NETO2: variants seen among roughly 807,000 people sequenced by gnomAD.
The protein encoded by NETO2 is neuropilin and tolloid like 2.
Under a neutral mutation model 62.5 loss-of-function variants are expected in NETO2, and 28 were observed. The ratio of observed to expected loss-of-function variants is 0.45; its 90% CI spans 0.33 to 0.61. The LOEUF (loss-of-function observed/expected upper bound fraction) is 0.61, where lower values mean the gene tolerates loss of function less well. Among genes scored for constraint, NETO2 ranks in the 20% least tolerant of loss-of-function variants. The probability of loss-of-function intolerance (pLI) is 0.02; values close to 1 mark genes in which losing one functional copy is unlikely to be tolerated. For missense variants in NETO2, 548 were observed against 643.2 expected (o/e 0.85, Z 1.60); for synonymous variants, 214 against 219.1 (o/e 0.98, Z 0.21).
intron 4 of NETO2, among the ~76,000 whole-genome samples, chr16:47,124,968 T>A (rs1964126011): frequency 6.6e-6 from 1 of 152,222 alleles, no homozygotes; most frequent in East Asian, 1.9e-4. Context: ...GCTCTCATGA[T>A]CTATAACATG....
intron 7 of NETO2, among the ~76,000 whole-genome samples, chr16:47,099,296 G>T (rs1026195793): frequency 2.0e-5 from 3 of 152,136 alleles, no homozygotes; most frequent in Non-Finnish European, 4.4e-5. Flanking sequence ...TGCCTTACAA[G>T]AGCTCCTGAA....
rs566424353 is a variant in NETO2, at chr16:47,143,890, G to A, written c.-278C>T. ...CGAGGGCCGAGGAGTGCGGACGCGC[G>A]GCGCGGGACCGGCAGGCAGCTCCGC... On this transcript the variant is annotated 5_prime_UTR_variant, in exon 1 of 9. Coordinates refer to ENST00000562435, the MANE Select transcript of NETO2 (RefSeq NM_018092.5). 273 of 230,424 alleles carry A rather than the reference G, an allele frequency of 1.2e-3. No individual in the cohort carries two copies. In the East Asian group the frequency reaches 0.023, roughly 20 times the overall value. The allele number at this position is 230,424 out of a possible 1,614,324, so 14.3% of individuals were successfully genotyped here.
chr16:47,135,900 T>G (rs1479421411), intron 1 of NETO2, among the ~76,000 whole-genome samples: 3 of 152,124 alleles, frequency 2.0e-5, no homozygotes, highest in Admixed American at 2.0e-4. Context: ...AGAGAATTAT[T>G]TGAAAAATTA....
chr16:47,131,388 T>G (rs766214397), intron 2 of NETO2, among the ~76,000 whole-genome samples: 18 of 152,232 alleles, frequency 1.2e-4, no homozygotes, highest in Non-Finnish European at 2.2e-4. Context: ...ATTATTTCCA[T>G]GGAGCAGGAA....
intron 2 of NETO2, among the ~76,000 whole-genome samples, chr16:47,129,644 C>T (rs536552443): frequency 1.3e-5 from 2 of 152,270 alleles, no homozygotes; most frequent in East Asian, 3.9e-4. Context: ...TCTGCTAAGT[C>T]AGTAAGATGC....
intron 2 of NETO2, 25 bp from the exon 3 acceptor site, chr16:47,129,389 C>T (rs750053840): frequency 6.2e-7 from 1 of 1,609,954 alleles, no homozygotes. Context: ...GCATTTAAAA[C>T]ACTCATTACA....
chr16:47,123,012 G>T, intron 4 of NETO2, 100 bp from the exon 5 acceptor site: 1 of 1,161,844 alleles, frequency 8.6e-7, no homozygotes, highest in Non-Finnish European at 1.2e-6. Context: ...AGCAAGGTAA[G>T]AGAAGCTTTC....
At chr16:47,094,895 G>A (rs897620517) in intron 7 of NETO2, among the ~76,000 whole-genome samples, 5 of 152,058 alleles carry the variant, frequency 3.3e-5, no homozygotes, top group African/African-American at 9.7e-5. Flanking sequence ...TAGTAGAGAT[G>A]GGGTTTCACC....
At chr16:47,088,231 G>A (rs1359487012) in intron 7 of NETO2, among the ~76,000 whole-genome samples, 2 of 151,892 alleles carry the variant, frequency 1.3e-5, no homozygotes, top group Non-Finnish European at 2.9e-5. Flanking sequence ...CAGCCTCCCC[G>A]AGTAGCTGGG....
At chr16:47,117,385 C>T (rs1252917276) in intron 6 of NETO2, among the ~76,000 whole-genome samples, 1 of 152,204 alleles carries the variant, frequency 6.6e-6, no homozygotes, top group Non-Finnish European at 1.5e-5. Flanking sequence ...CACTGAGCTC[C>T]TTAAATCTGC....
chr16:47,113,231 A>G (rs1963839258), intron 6 of NETO2, among the ~76,000 whole-genome samples: 1 of 152,244 alleles, frequency 6.6e-6, no homozygotes, highest in African/African-American at 2.4e-5. Flanking sequence ...AATTCTAACG[A>G]GACAATTTAT....
intron 7 of NETO2, among the ~76,000 whole-genome samples, chr16:47,091,082 G>A (rs1963302206): frequency 1.3e-5 from 2 of 152,128 alleles, no homozygotes; most frequent in Non-Finnish European, 2.9e-5. Flanking sequence ...ACTAATTGGA[G>A]CTCTGAAATT....
rs1247381752 is a variant in NETO2, at chr16:47,086,257, A to G, written c.966T>C (p.Cys322=). 1 of 1,612,614 alleles carries G rather than the reference A, an allele frequency of 6.2e-7. No individual in the cohort carries two copies. The highest frequency in any genetic ancestry group is 8.5e-7 in the Non-Finnish European group (1 of 1,178,744). Residue 322 remains cysteine, a synonymous_variant, in exon 8 of 9, where the codon TGT becomes TGC. Transcript: ENST00000562435. ...NSLVCNGVQN[C]AYPWDENHCK... ...AATGATTTTCATCCCAAGGGTATGC[A>G]CAATTTTGGACACCATTACAGACTA... is the stretch of plus-strand genomic sequence containing the variant.
intron 7 of NETO2, among the ~76,000 whole-genome samples, chr16:47,095,815 C>G (rs1963416250): frequency 6.6e-6 from 1 of 152,044 alleles, no homozygotes; most frequent in African/African-American, 2.4e-5. Flanking sequence ...CCAAATGGAC[C>G]TAACATATAC....
intron 7 of NETO2, among the ~76,000 whole-genome samples, chr16:47,091,855 T>A (rs938866239): frequency 5.3e-5 from 8 of 152,056 alleles, no homozygotes; most frequent in African/African-American, 1.7e-4. Context: ...TTTATTTTTT[T>A]TTTGGAGACA....
At chr16:47,086,085 G>A (rs1791436175) in intron 8 of NETO2, 141 bp downstream of exon 8, 4 of 664,106 alleles carry the variant, frequency 6.0e-6, no homozygotes, top group South Asian at 3.2e-5. Flanking sequence ...CAGCCTGGGC[G>A]ACAGAGCAGG....
chr16:47,123,562 G>C (rs1385809835), intron 4 of NETO2, among the ~76,000 whole-genome samples: 1 of 151,812 alleles, frequency 6.6e-6, no homozygotes, highest in Non-Finnish European at 1.5e-5. Context: ...TAAAAATAAA[G>C]TTTTAGAAAT....
chr16:47,091,325 C>A (rs1040373905), intron 7 of NETO2, among the ~76,000 whole-genome samples: 1 of 152,044 alleles, frequency 6.6e-6, no homozygotes, highest in African/African-American at 2.4e-5. Context: ...GGCTTTTCAC[C>A]TGTTTAATTA....
Position 47,122,788 on chromosome 16 carries a change from G to A in NETO2, c.527-4C>T, listed in dbSNP as rs1226187826. On this transcript the variant is annotated splice_region_variant and splice_polypyrimidine_tract_variant and intron_variant, in intron 5 of 8. Transcript: ENST00000562435. ...CCCGAGAGCTCGAACTGACAATCTG[G>A]AAGGAATACATGAAAGGTGTTCAAA... is the stretch of plus-strand genomic sequence containing the variant. 6.2e-7 allele frequency: 1 copy of A among 1,613,972 alleles called. No homozygotes were observed. Among genetic ancestry groups the A allele is most frequent in the Admixed American group, 1.7e-5 (1 of 59,998 alleles).
Sources: gnomAD v4.1 joint callset for allele counts (sites outside exome capture counted in the v4.1 genomes callset) on GRCh38, gnomAD v4.1.1 for gene constraint, MANE v1.5 for transcripts, NCBI Gene and HGNC (gene_info 2026-07-23, HGNC 2026-07-21) for gene names.